The following P2RY6 variants were observed in gnomAD, a reference collection of about 807,000 sequenced individuals.
The protein encoded by P2RY6 is P2Y purinoceptor 6.
In P2RY6, 19 loss-of-function variants were observed where a neutral mutation model predicts 16.3. The observed-to-expected ratio is 1.16, with a 90% CI of 0.81 to 1.71. The LOEUF is 1.71. Among genes scored for constraint, P2RY6 ranks in the 40% most tolerant of loss-of-function variants. The pLI, the probability that P2RY6 is intolerant of heterozygous loss-of-function variation, is 0.00. For missense variants in P2RY6, 389 were observed against 455.5 expected, an observed-to-expected ratio of 0.85 and a Z score of 1.33; for synonymous variants, 184 against 201.5, an observed-to-expected ratio of 0.91 and a Z score of 0.74.
chr11:73,283,482 C>T (rs1863844980), intron 1 of P2RY6, among the ~76,000 whole-genome samples: 1 of 152,226 alleles, frequency 6.6e-6, no homozygotes, highest in Non-Finnish European at 1.5e-5. Context: ...CTCTCCTCCC[C>T]TAGCCCTGCA....
chr11:73,276,654 C>A (rs1014738336), intron 1 of P2RY6, among the ~76,000 whole-genome samples: 1 of 152,132 alleles, frequency 6.6e-6, no homozygotes, highest in African/African-American at 2.4e-5. Context: ...ATGTCCAGAA[C>A]AGGCAAATTC....
At chr11:73,283,641 G>C (rs528126818) in intron 1 of P2RY6, among the ~76,000 whole-genome samples, 2 of 152,214 alleles carry the variant, frequency 1.3e-5, no homozygotes, top group Non-Finnish European at 2.9e-5. Context: ...CATCTTGCCA[G>C]CCTCACCCAG....
upstream of P2RY6, among the ~76,000 whole-genome samples, chr11:73,270,553 G>A (rs1158576646): frequency 2.6e-5 from 4 of 152,162 alleles, no homozygotes; most frequent in Non-Finnish European, 5.9e-5. Context: ...GGCAAGTCCC[G>A]ACCCTCTCTG....
At chr11:73,294,814 T>C (rs1864408708) in intron 1 of P2RY6, among the ~76,000 whole-genome samples, 1 of 152,200 alleles carries the variant, frequency 6.6e-6, no homozygotes, top group Non-Finnish European at 1.5e-5. Flanking sequence ...CAGGCACTGA[T>C]CTTCACAACA....
At chr11:73,279,080 T>G (rs1165248439) in intron 1 of P2RY6, among the ~76,000 whole-genome samples, 2 of 151,030 alleles carry the variant, frequency 1.3e-5, no homozygotes, top group East Asian at 1.9e-4. Context: ...TCCTAATGGG[T>G]GTGAAGTGTT....
upstream of P2RY6, among the ~76,000 whole-genome samples, chr11:73,268,400 G>A (rs1207554499): frequency 6.6e-6 from 1 of 152,164 alleles, no homozygotes; most frequent in Non-Finnish European, 1.5e-5. Flanking sequence ...GAGGGAGGAG[G>A]ATCGATTGAG....
intron 1 of P2RY6, among the ~76,000 whole-genome samples, chr11:73,266,746 T>A (rs951230218): frequency 9.9e-5 from 15 of 152,098 alleles, no homozygotes; most frequent in Non-Finnish European, 2.1e-4. Context: ...TAAATATATC[T>A]CATGGTGACG....
intron 2 of P2RY6, among the ~76,000 whole-genome samples, chr11:73,296,223 GAA>G (rs142793721): frequency 0.056 from 6,858 of 121,396 alleles, 243 homozygotes; most frequent in Non-Finnish European, 0.085. Flanking sequence ...AAGGCTGAAG[GAA>G]AAAAAAAAAT....
In P2RY6 at chr11:73,266,553, C is replaced by A. The variant is rs1863110357; in HGVS notation, c.-281+1904C>A. 2.0e-5 allele frequency among the ~76,000 whole-genome samples: 3 copies of A among 151,878 alleles called. 1 individual carries two copies. Among genetic ancestry groups the A allele is most frequent in the Admixed American group, 2.0e-4 (3 of 15,260 alleles). ...GCATTGAGCTGCAAGCAGAAGTGGACCAGGAGGCTCCCCGCAGGCTGAGCC... is the reference window on the plus strand; with the variant it reads ...GCATTGAGCTGCAAGCAGAAGTGGAACAGGAGGCTCCCCGCAGGCTGAGCC... On this transcript the variant is annotated intron_variant, in intron 1 of 3. Coordinates refer to the P2RY6 transcript ENST00000349767.
intron 1 of P2RY6, among the ~76,000 whole-genome samples, chr11:73,290,351 GA>G (rs1316087548): frequency 2.4e-5 from 3 of 126,192 alleles, no homozygotes; most frequent in Admixed American, 7.6e-5. Flanking sequence ...AAGAAAGAAA[GA>G]AAGAAAGAAA....
rs767238021 is a variant in P2RY6 at position 73,296,565 on chromosome 11, C to T, written c.47C>T (p.Thr16Ile). The T allele has an allele frequency of 3.1e-6, 5 of 1,614,224 alleles. No individual in the cohort carries two copies. The highest frequency in any genetic ancestry group is 4.5e-5 in the East Asian group (2 of 44,882). ...GTGQALGLPP[T>I]TCVYRENFKQ... ...GGCCAGGCTCTGGGCTTGCCACCCACCACCTGTGTCTACCGCGAGAACTTC... is the reference window on the plus strand; with the variant it reads ...GGCCAGGCTCTGGGCTTGCCACCCATCACCTGTGTCTACCGCGAGAACTTC... The change falls in exon 3 of 3, where the codon ACC becomes ATC. Residue 16 changes from threonine (T) to isoleucine (I), a missense_variant. By Grantham distance (89) the Thr-to-Ile change is moderately conservative. Transcript: ENST00000540124.
chr11:73,277,262 C>T (rs766523620), intron 1 of P2RY6, among the ~76,000 whole-genome samples: 2 of 151,924 alleles, frequency 1.3e-5, no homozygotes, highest in African/African-American at 2.4e-5. Context: ...TACAGACATG[C>T]GCCACCACAC....
chr11:73,264,854 A>T (rs1419162320), intron 1 of P2RY6, among the ~76,000 whole-genome samples: 6 of 89,808 alleles, frequency 6.7e-5, no homozygotes, highest in African/African-American at 1.4e-4. Context: ...GACTCCGTCT[A>T]AAAAAAAAAA....
At chr11:73,286,131 G>A (rs1352684944) in intron 1 of P2RY6, among the ~76,000 whole-genome samples, 1 of 152,206 alleles carries the variant, frequency 6.6e-6, no homozygotes, top group Non-Finnish European at 1.5e-5. Context: ...GGATGATGGG[G>A]AGACCTCTGG....
rs375773668 is a variant in P2RY6 at position 73,296,463 on chromosome 11, A to G, written c.-34-22A>G. ...GGTGGTGAGTGAGCATGTCACTGAC[A>G]GGCTGTGTATTGCTTTCCCAGCCTC... On this transcript the variant is annotated intron_variant, in intron 2 of 2. Transcript: ENST00000540124. 381 of 1,584,502 alleles carry G rather than the reference A, an allele frequency of 2.4e-4. 1 individual carries two copies. In the African/African-American group the frequency reaches 4.6e-3, roughly 19 times the overall value.
Position 73,297,089 on chromosome 11 carries a change from C to T in P2RY6, c.571C>T (p.Pro191Ser). The T allele has an allele frequency of 6.2e-7, 1 of 1,603,044 alleles. No individual in the cohort carries two copies. Among genetic ancestry groups the T allele is most frequent in the Non-Finnish European group, 8.5e-7 (1 of 1,179,952 alleles). ...GCCTGCCCTGGCCACCCACTATATG[C>T]CCTATGGCATGGCTCTCACTGTCAT... ...SPPALATHYM[P>S]YGMALTVIGF... Residue 191 changes from proline to serine, a missense_variant, in exon 3 of 3, where the codon CCC becomes TCC. Coordinates refer to ENST00000540124, the MANE Select transcript of P2RY6 (RefSeq NM_001277204.2).
chr11:73,272,127 T>C (rs553795000), upstream of P2RY6: 2 of 152,990 alleles, frequency 1.3e-5, no homozygotes, highest in African/African-American at 4.8e-5. Flanking sequence ...TTGGGCTAAA[T>C]TGGTGATGCT....
chr11:73,285,488 C>G (rs547616248), intron 1 of P2RY6, among the ~76,000 whole-genome samples: 1 of 152,314 alleles, frequency 6.6e-6, no homozygotes, highest in South Asian at 2.1e-4. Flanking sequence ...CCTCCCAGGC[C>G]ACCCCTTGGA....
rs751689084 is a variant in P2RY6, at chr11:73,296,740, A to G, written c.222A>G (p.Leu74=). ...YTLNLALADL[L]YACSLPLLIY... ...TAAACCTTGCTCTGGCTGACCTGCTATATGCCTGCTCCCTGCCCCTGCTCA... is the reference window on the plus strand; with the variant it reads ...TAAACCTTGCTCTGGCTGACCTGCTGTATGCCTGCTCCCTGCCCCTGCTCA... Residue 74 remains leucine, a synonymous_variant, in exon 3 of 3, where the codon CTA becomes CTG. Transcript: ENST00000540124. 1.1e-5 allele frequency: 17 copies of G among 1,613,504 alleles called. No individual in the cohort carries two copies. Among genetic ancestry groups the G allele is most frequent in the Non-Finnish European group, 1.4e-5 (17 of 1,180,042 alleles).
Sources: allele counts gnomAD v4.1 joint callset (sites outside exome capture counted in the v4.1 genomes callset), GRCh38; gene constraint gnomAD v4.1.1; transcripts MANE v1.5; gene names NCBI Gene and HGNC (gene_info 2026-07-23, HGNC 2026-07-21).